Variants in GNAS observed in about 807,000 individuals in gnomAD.
GNAS encodes GNAS complex locus.
In GNAS, 8 loss-of-function variants were observed where a neutral mutation model predicts 54.5. The observed-to-expected ratio is 0.15, with a 90% CI of 0.09 to 0.26. GNAS has a LOEUF of 0.26. GNAS is among the 10% of genes least tolerant of loss of function. The pLI, the probability that GNAS is intolerant of heterozygous loss-of-function variation, is 1.00. For synonymous variants in GNAS, 204 were observed against 191.4 expected (o/e 1.07, Z -0.54); for missense variants, 170 against 529.8 (o/e 0.32, Z 6.67).
In GNAS at chr20:58,903,579, G is replaced by A. The variant is rs117849691; in HGVS notation, c.306G>A (p.Ala102=). The change falls in exon 4 of 13, where the codon GCG becomes GCA. Residue 102 remains alanine, a synonymous_variant. Coordinates refer to ENST00000371085, the MANE Select transcript of GNAS (RefSeq NM_000516.7). The part of the protein sequence containing the change: ...VQDIKNNLKE[A]IETIVAAMSN... ...ACATCAAAAACAACCTGAAAGAGGC[G>A]ATTGAAGTACGTGCTGGCTCCTTGT... The A allele has an allele frequency of 2.6e-4, 417 of 1,614,116 alleles. No individual in the cohort carries two copies. In the African/African-American group the frequency reaches 3.9e-3, roughly 15 times the overall value.
At chr20:58,868,948 C>T (rs1445573464) in intron 1 of GNAS, among the ~76,000 whole-genome samples, 1 of 152,206 alleles carries the variant, frequency 6.6e-6, no homozygotes, top group Admixed American at 6.5e-5. Flanking sequence ...ACCCTTGCGC[C>T]GGCGCCTAAG....
At chr20:58,893,590 T>C (rs1335176783) in intron 1 of GNAS, among the ~76,000 whole-genome samples, 2 of 152,222 alleles carry the variant, frequency 1.3e-5, no homozygotes, top group Admixed American at 6.5e-5. Context: ...TCCAGATTTA[T>C]AAAAGCAGAA....
chr20:58,851,313 C>T lies in GNAS; in HGVS notation c.43+10427C>T, dbSNP rs936441667. On this transcript the variant is annotated intron_variant, in intron 1 of 12. Coordinates refer to the GNAS transcript ENST00000306090. ...TCTAAGAGGGATGCATTAGACTAAA[C>T]GGGATCGCAACTTGCGGTGGTTCGC... is the stretch of plus-strand genomic sequence containing the variant. Among the ~76,000 whole-genome samples, 3 of 152,262 alleles carry T rather than the reference C, an allele frequency of 2.0e-5. No individual in the cohort carries two copies. The East Asian group carries it at 5.8e-4, about 29-fold the overall frequency.
intron 1 of GNAS, among the ~76,000 whole-genome samples, chr20:58,852,114 C>T (rs972628427): frequency 1.3e-5 from 2 of 152,100 alleles, no homozygotes; most frequent in Non-Finnish European, 2.9e-5. Context: ...TCTCTTGGTG[C>T]CGCCGCAGCT....
rs1439982986 is a variant in GNAS at position 58,891,843 on chromosome 20, C to T, written c.117C>T (p.Ala39=). The T allele has an allele frequency of 8.1e-7, 1 of 1,240,042 alleles. No individual in the cohort carries two copies. Among genetic ancestry groups the T allele is most frequent in the South Asian group, 1.4e-5 (1 of 71,158 alleles). The allele number at this position is 1,240,042 out of a possible 1,614,324, so 76.8% of individuals were successfully genotyped here. Residue 39 remains alanine (A), a synonymous_variant, in exon 1 of 13, where the codon GCC becomes GCT. Transcript: ENST00000371085. The part of the protein sequence containing the change: ...QLQKDKQVYR[A]THRLLLLGAG... ...AGAAGGACAAGCAGGTCTACCGGGC[C>T]ACGCACCGCCTGCTGCTGCTGGGTA...
At chr20:58,852,358 G>A (rs192457016) in intron 1 of GNAS, among the ~76,000 whole-genome samples, 1 of 152,108 alleles carries the variant, frequency 6.6e-6, no homozygotes, top group Non-Finnish European at 1.5e-5. Context: ...AACAAATTGC[G>A]TGCTTGCATA....
chr20:58,909,858 A>C lies in GNAS; in HGVS notation c.839+54A>C. ...GCTTGCCCAGGAGGCCCTGGTCTGCACTGTTTATAGAGAAGAACCCCGTGC... is the reference window on the plus strand; with the variant it reads ...GCTTGCCCAGGAGGCCCTGGTCTGCCCTGTTTATAGAGAAGAACCCCGTGC... On this transcript the variant is annotated intron_variant, in intron 10 of 12. Coordinates refer to ENST00000371085, the MANE Select transcript of GNAS (RefSeq NM_000516.7). This position sits in a 1 kb window ranked among gnomAD's most constrained non-coding sequence, Gnocchi z 7.3. 6.2e-7 allele frequency: 1 copy of C among 1,612,700 alleles called. No homozygotes were observed. Among genetic ancestry groups the C allele is most frequent in the South Asian group, 1.1e-5 (1 of 91,016 alleles).
At chr20:58,869,199 G>C (rs925417203) in intron 1 of GNAS, among the ~76,000 whole-genome samples, 12 of 152,168 alleles carry the variant, frequency 7.9e-5, no homozygotes, top group African/African-American at 2.9e-4. Flanking sequence ...TGAGATCTTG[G>C]ACAAATCCCT....
intron 3 of GNAS, chr20:58,899,958 TC>T: frequency 1.4e-6 from 1 of 717,558 alleles, no homozygotes; most frequent in South Asian, 1.5e-5. Context: ...GAATATAATA[TC>T]CCTAGATGAT....
intron 1 of GNAS, among the ~76,000 whole-genome samples, chr20:58,875,904 A>G (rs2087781184): frequency 6.6e-6 from 1 of 152,240 alleles, no homozygotes. Context: ...TGGGGGAAGG[A>G]GCAAGGAGGC....
chr20:58,887,530 G>A (rs1283694789), upstream of GNAS, among the ~76,000 whole-genome samples: 1 of 152,242 alleles, frequency 6.6e-6, no homozygotes, highest in Admixed American at 6.5e-5. Flanking sequence ...GTTCTCCTAT[G>A]AGCACATTCA....
chr20:58,881,296 A>T (rs2088205559), intron 1 of GNAS, among the ~76,000 whole-genome samples: 1 of 152,160 alleles, frequency 6.6e-6, no homozygotes, highest in Non-Finnish European at 1.5e-5. Flanking sequence ...GTGGTGCTTT[A>T]ACTTAGAGAT....
chr20:58,877,045 G>A (rs1349338450), intron 1 of GNAS: 1 of 152,288 alleles, frequency 6.6e-6, no homozygotes, highest in Non-Finnish European at 1.5e-5. Flanking sequence ...TTTAGCAAAT[G>A]AGAGAAGCGA....
intron 3 of GNAS, chr20:58,903,236 T>TGG (rs984845279): frequency 4.0e-6 from 2 of 504,978 alleles, no homozygotes; most frequent in African/African-American, 3.9e-5. Context: ...GTATGTAGTG[T>TGG]GGGGGCTTCA....
At chr20:58,885,841 AC>A (rs1463007605) in intron 1 of GNAS, among the ~76,000 whole-genome samples, 3 of 152,258 alleles carry the variant, frequency 2.0e-5, no homozygotes, top group Non-Finnish European at 1.5e-5. Context: ...GACAGGAAAC[AC>A]TGTGGAAGTG....
At position 58,891,592 on chromosome 20, in the gene GNAS, G is replaced by A; in HGVS notation, c.-135G>A. 12 of 969,986 alleles carry A rather than the reference G, an allele frequency of 1.2e-5. No individual in the cohort carries two copies. The highest frequency in any genetic ancestry group is 1.5e-5 in the Non-Finnish European group (12 of 822,072). 60.1% of individuals were successfully genotyped at this position (969,986 alleles called of 1,614,324 possible). On this transcript the variant is annotated 5_prime_UTR_variant, in exon 1 of 13. Coordinates refer to ENST00000371085, the MANE Select transcript of GNAS (RefSeq NM_000516.7). ...GCCCGCGGCCCGCAGTCCGCCCCGC[G>A]CGCTCCTTGCCGAGGAGCCGAGCCC...
rs2146006088 is a variant in GNAS at position 58,895,661 on chromosome 20, G to A, written c.189G>A (p.Leu63=). 6.3e-7 allele frequency: 1 copy of A among 1,596,680 alleles called. No homozygotes were observed. The highest frequency in any genetic ancestry group is 2.2e-5 in the East Asian group (1 of 44,796). ...KSTIVKQMRI[L]HVNGFNGEGG... is the part of the protein sequence containing the mutation. ...CCATTGTGAAGCAGATGAGGATCCTGCATGTTAATGGGTTTAATGGAGAGT... is the reference window on the plus strand; with the variant it reads ...CCATTGTGAAGCAGATGAGGATCCTACATGTTAATGGGTTTAATGGAGAGT... Residue 63 remains leucine (L), a synonymous_variant, in exon 2 of 13, where the codon CTG becomes CTA. Coordinates refer to ENST00000371085, the MANE Select transcript of GNAS (RefSeq NM_000516.7).
rs5842245 is a variant in GNAS at position 58,896,621 on chromosome 20, T to TAA, written c.212+949_212+950dup. ...CATCGTTCTCGTGTAACAAAACGTG[T>TAA]AAAAAAAAAAAAAGAAAAAGAAAAA... On this transcript the variant is annotated intron_variant, in intron 2 of 12. Transcript: ENST00000371085. Among the ~76,000 whole-genome samples the TAA allele has an allele frequency of 9.0e-5, 12 of 133,470 alleles. No individual in the cohort carries two copies. The South Asian group carries it at 1.7e-3, about 19-fold the overall frequency. 87.6% of individuals were successfully genotyped at this position (133,470 alleles called of 152,430 possible).
rs999596708 is a variant in GNAS, at chr20:58,842,691, A to G, written c.43+1805A>G. 88 of 395,684 alleles carry G rather than the reference A, an allele frequency of 2.2e-4. No homozygotes were observed. The East Asian group carries it at 3.2e-3, about 14-fold the overall frequency. 24.5% of individuals were successfully genotyped at this position (395,684 alleles called of 1,614,324 possible). A position where few individuals can be genotyped will look rare whatever the true frequency, so the allele number is the denominator to read the frequency against. ...TCGAAATTCCTGCTTAATGTAAACA[A>G]TGATGGTGTGTTGGCTTTCTGTGAC... On this transcript the variant is annotated intron_variant, in intron 1 of 12. Coordinates refer to the GNAS transcript ENST00000306090.
Sources: gnomAD v4.1 joint callset for allele counts (sites outside exome capture counted in the v4.1 genomes callset) on GRCh38, gnomAD v4.1.1 for gene constraint, Gnocchi (gnomAD v3.1) non-coding constraint, MANE v1.5 for transcripts, NCBI Gene and HGNC (gene_info 2026-07-23, HGNC 2026-07-21) for gene names.